ARHGAP15: variants seen among roughly 807,000 people sequenced by gnomAD.
ARHGAP15 encodes the protein Rho GTPase activating protein 15.
In ARHGAP15, 51 loss-of-function variants were observed where a neutral mutation model predicts 63.7. The ratio of observed to expected loss-of-function variants is 0.80; its 90% CI spans 0.64 to 1.01. The LOEUF is 1.01. ARHGAP15 is among the 50% of genes least tolerant of loss of function. The pLI is 0.00. For synonymous variants in ARHGAP15, 191 were observed against 193.8 expected (o/e 0.99, Z 0.12); for missense variants, 560 against 564.6 (o/e 0.99, Z 0.08).
chr2:143,458,568 C>T (rs544031380), intron 8 of ARHGAP15, among the ~76,000 whole-genome samples: 8 of 152,272 alleles, frequency 5.3e-5, no homozygotes, highest in African/African-American at 1.9e-4. Context: ...GAAAGTTCTT[C>T]GTGTCCTTGA....
At chr2:143,629,476 C>G (rs1698978210) in intron 12 of ARHGAP15, among the ~76,000 whole-genome samples, 1 of 152,136 alleles carries the variant, frequency 6.6e-6, no homozygotes, top group South Asian at 2.1e-4. Flanking sequence ...TAGAAAAGCA[C>G]AGCCAGGGAG....
chr2:143,377,393 T>G (rs1352563889), intron 6 of ARHGAP15, among the ~76,000 whole-genome samples: 1 of 151,934 alleles, frequency 6.6e-6, no homozygotes, highest in African/African-American at 2.4e-5. Flanking sequence ...AAAAGTGTTT[T>G]GTAATACATA....
At chr2:143,568,170 G>A (rs913422067) in intron 11 of ARHGAP15, among the ~76,000 whole-genome samples, 5 of 152,128 alleles carry the variant, frequency 3.3e-5, no homozygotes, top group Non-Finnish European at 5.9e-5. Context: ...ATTGACAAAT[G>A]GGATCTAATT....
At chr2:143,645,266 G>T (rs1017123357) in intron 12 of ARHGAP15, among the ~76,000 whole-genome samples, 1 of 152,034 alleles carries the variant, frequency 6.6e-6, no homozygotes, top group South Asian at 2.1e-4. Flanking sequence ...AAGATCTGCA[G>T]ATTGAAAAGA....
At chr2:143,614,783 G>C (rs1430785793) in intron 11 of ARHGAP15, among the ~76,000 whole-genome samples, 1 of 152,182 alleles carries the variant, frequency 6.6e-6, no homozygotes, top group Non-Finnish European at 1.5e-5. Flanking sequence ...GGGGTTCTCA[G>C]GCTAGGATTA....
intron 13 of ARHGAP15, among the ~76,000 whole-genome samples, chr2:143,767,378 C>T (rs1240318620): frequency 6.6e-6 from 1 of 152,152 alleles, no homozygotes; most frequent in Non-Finnish European, 1.5e-5. Context: ...GGGCTCTTTT[C>T]CTGTGCAAAT....
rs1197250189 is a variant in ARHGAP15 at position 143,315,882 on chromosome 2, CA to C, written c.474+65284del. Among the ~76,000 whole-genome samples, 13 of 141,960 alleles carry C rather than the reference CA, an allele frequency of 9.2e-5. No individual in the cohort carries two copies. In the East Asian group the frequency reaches 2.1e-3, roughly 23 times the overall value. The allele number at this position is 141,960 out of a possible 152,430, so 93.1% of individuals were successfully genotyped here. On this transcript the variant is annotated intron_variant, in intron 6 of 13. Transcript: ENST00000295095. ...GGTGGATCACCTGAAGTCAGGAGTT[CA>C]AGATCAGCCTGGCCAACACGGTGAA...
intron 8 of ARHGAP15, among the ~76,000 whole-genome samples, chr2:143,472,837 A>G (rs963620447): frequency 3.3e-5 from 5 of 152,214 alleles, no homozygotes; most frequent in Non-Finnish European, 7.3e-5. Flanking sequence ...TATTATGCAG[A>G]TGAGGAGACT....
At chr2:143,206,583 C>G (rs181308403) in intron 3 of ARHGAP15, among the ~76,000 whole-genome samples, 6 of 152,166 alleles carry the variant, frequency 3.9e-5, no homozygotes, top group Admixed American at 6.6e-5. Context: ...GGTCTTGACT[C>G]TATTCCAGCC....
intron 12 of ARHGAP15, among the ~76,000 whole-genome samples, chr2:143,649,613 A>G (rs1049813908): frequency 5.9e-5 from 9 of 151,904 alleles, no homozygotes; most frequent in African/African-American, 1.9e-4. Context: ...ATGCTCTCCA[A>G]CTTCTGGGAG....
intron 6 of ARHGAP15, among the ~76,000 whole-genome samples, chr2:143,348,168 T>C (rs1286329517): frequency 2.6e-5 from 4 of 152,164 alleles, no homozygotes; most frequent in African/African-American, 9.6e-5. Context: ...GTCATATTTG[T>C]GTTGGTGATT....
At chr2:143,174,104 C>T (rs556408039) in intron 2 of ARHGAP15, among the ~76,000 whole-genome samples, 24 of 152,196 alleles carry the variant, frequency 1.6e-4, no homozygotes, top group African/African-American at 5.5e-4. Flanking sequence ...CCAGTGTAGT[C>T]ACTGCTAGCA....
At chr2:143,163,654 T>C (rs985487651) in intron 2 of ARHGAP15, among the ~76,000 whole-genome samples, 4 of 152,058 alleles carry the variant, frequency 2.6e-5, no homozygotes, top group Non-Finnish European at 5.9e-5. Context: ...TAAGAGATCA[T>C]TCTATTGCCA....
chr2:143,557,328 C>T (rs201885836), intron 11 of ARHGAP15, among the ~76,000 whole-genome samples: 1 of 151,956 alleles, frequency 6.6e-6, no homozygotes, highest in Non-Finnish European at 1.5e-5. Flanking sequence ...AATGAGCTTT[C>T]AAGCCATGAA....
At chr2:143,263,737 G>T (rs978583588) in intron 6 of ARHGAP15, among the ~76,000 whole-genome samples, 4 of 151,728 alleles carry the variant, frequency 2.6e-5, no homozygotes, top group African/African-American at 9.7e-5. Context: ...CTCCTTCCAG[G>T]CCTCTAAAGA....
chr2:143,643,941 T>C (rs1372259887), intron 12 of ARHGAP15, among the ~76,000 whole-genome samples: 1 of 152,084 alleles, frequency 6.6e-6, no homozygotes, highest in Non-Finnish European at 1.5e-5. Context: ...AGTCAGATGA[T>C]TATTCTTACT....
At chr2:143,554,543 G>T (rs1160272158) in intron 10 of ARHGAP15, among the ~76,000 whole-genome samples, 2 of 152,042 alleles carry the variant, frequency 1.3e-5, no homozygotes, top group East Asian at 3.9e-4. Flanking sequence ...GGACACACTT[G>T]AATGTACAAT....
intron 2 of ARHGAP15, among the ~76,000 whole-genome samples, chr2:143,167,093 A>C (rs1422831209): frequency 6.6e-6 from 1 of 152,142 alleles, no homozygotes; most frequent in Non-Finnish European, 1.5e-5. Flanking sequence ...GACATAATTT[A>C]AACTTCTACA....
chr2:143,640,618 A>G (rs1680556071), intron 12 of ARHGAP15: 1 of 152,156 alleles, frequency 6.6e-6, no homozygotes, highest in African/African-American at 2.4e-5. Flanking sequence ...GCAGTCTTCA[A>G]AGGGTTACCT....
Sources: allele counts gnomAD v4.1 joint callset (sites outside exome capture counted in the v4.1 genomes callset), GRCh38; gene constraint gnomAD v4.1.1; transcripts MANE v1.5; gene names NCBI Gene and HGNC (gene_info 2026-07-23, HGNC 2026-07-21).